Variants in GUCY1B1 observed in about 807,000 individuals in gnomAD.
GUCY1B1 encodes guanylate cyclase soluble subunit beta-1.
Under a neutral mutation model 71.0 loss-of-function variants are expected in GUCY1B1, and 43 were observed. The ratio of observed to expected loss-of-function variants is 0.61; its 90% CI spans 0.47 to 0.78. GUCY1B1 has a LOEUF of 0.78. Ranked by LOEUF, GUCY1B1 falls within the 30% of genes least tolerant of loss-of-function variation. GUCY1B1 has a pLI of 0.00. For synonymous variants in GUCY1B1, 266 were observed against 259.7 expected (o/e 1.02, Z -0.23); for missense variants, 535 against 754.1 (o/e 0.71, Z 3.40).
At chr4:155,805,914 C>T (rs1019752091) in intron 13 of GUCY1B1, among the ~76,000 whole-genome samples, 1 of 152,152 alleles carries the variant, frequency 6.6e-6, no homozygotes, top group Non-Finnish European at 1.5e-5. Context: ...AAGATCATGG[C>T]TAGCCTCTTC....
rs1739204532 is a variant in GUCY1B1 at position 155,791,828 on chromosome 4, T to C, written c.495+1917T>C. On this transcript the variant is annotated intron_variant, in intron 5 of 13. Coordinates refer to ENST00000264424, the MANE Select transcript of GUCY1B1 (RefSeq NM_000857.5). ...TGAGTGAACGTATATGCATATTGTA[T>C]GCACTGTTGGTTTTATTTTTATTTA... Among the ~76,000 whole-genome samples the C allele has an allele frequency of 3.3e-5, 5 of 151,600 alleles. No homozygotes were observed. The South Asian group carries it at 8.3e-4, about 25-fold the overall frequency.
At position 155,795,470 on chromosome 4, in the gene GUCY1B1, T is replaced by C. The variant is rs1357539730; in HGVS notation, c.843+13T>C. 2 of 1,190,050 alleles carry C rather than the reference T, an allele frequency of 1.7e-6. No individual in the cohort carries two copies. The highest frequency in any genetic ancestry group is 4.7e-5 in the East Asian group (2 of 42,522). 73.7% of individuals were successfully genotyped at this position (1,190,050 alleles called of 1,614,324 possible). A position where few individuals can be genotyped will look rare whatever the true frequency, so the allele number is the denominator to read the frequency against. Reference sequence around the variant, plus strand: ...ATTGAGAAGCAAGGTAATCAAGATATTATTTCATTAAATGTGAGAAAGGTA... The same window carrying C: ...ATTGAGAAGCAAGGTAATCAAGATACTATTTCATTAAATGTGAGAAAGGTA... On this transcript the variant is annotated intron_variant, in intron 7 of 13. Transcript: ENST00000264424.
intron 4 of GUCY1B1, among the ~76,000 whole-genome samples, chr4:155,781,407 C>A (rs1223562614): frequency 6.6e-6 from 1 of 152,068 alleles, no homozygotes; most frequent in Admixed American, 6.5e-5. Context: ...CATATCTTTC[C>A]CCTTGAAAGG....
chr4:155,760,317 AAC>A (rs1437295072), intron 2 of GUCY1B1, among the ~76,000 whole-genome samples: 1 of 152,220 alleles, frequency 6.6e-6, no homozygotes, highest in Non-Finnish European at 1.5e-5. Context: ...GGTATGCTGA[AAC>A]ACGCGGGAGA....
chr4:155,795,301 T>G lies in GUCY1B1; in HGVS notation c.727-40T>G, dbSNP rs1015516633. ...TAATATCAAAGTATAAAAACTATTT[T>G]AACTGATGTGATACTCTTTGCTCTC... is the stretch of plus-strand genomic sequence containing the variant. On this transcript the variant is annotated intron_variant, in intron 6 of 13. Transcript: ENST00000264424. The G allele has an allele frequency of 5.1e-6, 5 of 984,030 alleles. No homozygotes were observed. In the African/African-American group the frequency reaches 8.1e-5, roughly 16 times the overall value. The allele number at this position is 984,030 out of a possible 1,614,324, so 61.0% of individuals were successfully genotyped here.
intron 9 of GUCY1B1, among the ~76,000 whole-genome samples, chr4:155,801,287 G>C (rs774913064): frequency 6.6e-6 from 1 of 152,080 alleles, no homozygotes; most frequent in Non-Finnish European, 1.5e-5. Context: ...GCACCATTTC[G>C]AGTTACTGTG....
At chr4:155,800,488 C>T (rs796349105) in intron 9 of GUCY1B1, among the ~76,000 whole-genome samples, 3 of 152,240 alleles carry the variant, frequency 2.0e-5, no homozygotes, top group African/African-American at 7.2e-5. Flanking sequence ...AACCACTGGC[C>T]ATTACATGTT....
intron 2 of GUCY1B1, among the ~76,000 whole-genome samples, chr4:155,771,225 T>C (rs966780020): frequency 6.6e-6 from 1 of 152,260 alleles, no homozygotes; most frequent in Non-Finnish European, 1.5e-5. Context: ...TCCTTCCATG[T>C]ACTACTGTTT....
chr4:155,761,256 A>G (rs561639494), intron 2 of GUCY1B1, among the ~76,000 whole-genome samples: 3 of 152,370 alleles, frequency 2.0e-5, no homozygotes, highest in Admixed American at 6.5e-5. Flanking sequence ...GTAGACAGAT[A>G]TCAACAAGGC....
At chr4:155,777,902 G>A (rs6843197) in intron 4 of GUCY1B1, among the ~76,000 whole-genome samples, 27,497 of 152,076 alleles carry the variant, frequency 0.18, 2,667 homozygotes, top group Middle Eastern at 0.25. Context: ...AGAACTCCAG[G>A]TGGTCTTTTG....
chr4:155,759,440 G>C lies in GUCY1B1; in HGVS notation c.3+297G>C, dbSNP rs1442392751. On this transcript the variant is annotated intron_variant, in intron 1 of 13. Coordinates refer to ENST00000264424, the MANE Select transcript of GUCY1B1 (RefSeq NM_000857.5). ...GCGTGGGGTCTTCCCGGCTCTGGCCGGCCCCACCAGTGTGGGAGGCTGAGC... is the reference window on the plus strand; with the variant it reads ...GCGTGGGGTCTTCCCGGCTCTGGCCCGCCCCACCAGTGTGGGAGGCTGAGC... 1.3e-5 allele frequency: 7 copies of C among 531,792 alleles called. No individual in the cohort carries two copies. In the Admixed American group the frequency reaches 2.2e-4, roughly 17 times the overall value. The allele number at this position is 531,792 out of a possible 1,614,324, so 32.9% of individuals were successfully genotyped here.
chr4:155,759,161 G>C lies in GUCY1B1; in HGVS notation c.3+18G>C. ...ACACCATGGTAAGTGCTCTCAGCCG[G>C]GTGCGGCCCGAACCTCACCCCTCCT... On this transcript the variant is annotated intron_variant, in intron 1 of 13. Coordinates refer to ENST00000264424, the MANE Select transcript of GUCY1B1 (RefSeq NM_000857.5). The C allele has an allele frequency of 2.5e-6, 4 of 1,574,696 alleles. No individual in the cohort carries two copies. The highest frequency in any genetic ancestry group is 2.6e-6 in the Non-Finnish European group (3 of 1,160,976).
At position 155,774,418 on chromosome 4, in the gene GUCY1B1, T is replaced by G. The variant is rs1213098466; in HGVS notation, c.78-550T>G. 6.0e-4 allele frequency among the ~76,000 whole-genome samples: 92 copies of G among 152,226 alleles called. 1 individual carries two copies. Among genetic ancestry groups the G allele is most frequent in the Admixed American group, 6.0e-3 (92 of 15,288 alleles). On this transcript the variant is annotated intron_variant, in intron 2 of 13. Transcript: ENST00000264424. The stretch of plus-strand genomic sequence containing the variant: ...CTTTCTTCAAATGCCAGCTTCTCAG[T>G]GAGGCCTTCCTGGCTGCTGTCCTTG...
At chr4:155,783,602 G>C (rs144605476) in intron 4 of GUCY1B1, among the ~76,000 whole-genome samples, 3 of 152,094 alleles carry the variant, frequency 2.0e-5, no homozygotes, top group Non-Finnish European at 4.4e-5. Flanking sequence ...GCCTGCCATG[G>C]GATTTTCTTC....
chr4:155,805,279 T>A, intron 13 of GUCY1B1, 50 bp downstream of exon 13: 2 of 1,465,994 alleles, frequency 1.4e-6, no homozygotes, highest in South Asian at 1.3e-5. Flanking sequence ...AGTATAAGTA[T>A]GGAAAACTAA....
In GUCY1B1 at chr4:155,804,658, C is replaced by G; in HGVS notation, c.1620C>G (p.Tyr540Ter). ...TGVIGQRMPR[Y>*]CLFGNTVNLT... Reference sequence around the variant, plus strand: ...TCATAGGACAGCGGATGCCTCGATACTGTCTTTTTGGGAATACTGTCAACC... The same window carrying G: ...TCATAGGACAGCGGATGCCTCGATAGTGTCTTTTTGGGAATACTGTCAACC... Residue 540 changes from tyrosine (Y) to a stop codon, truncating the protein, a stop_gained, in exon 12 of 14, where the codon TAC (tyrosine) becomes TAG (stop). Transcript: ENST00000264424. LOFTEE classifies it high-confidence loss of function. 1 of 1,612,544 alleles carries G rather than the reference C, an allele frequency of 6.2e-7. No homozygotes were observed. Among genetic ancestry groups the G allele is most frequent in the Non-Finnish European group, 8.5e-7 (1 of 1,178,712 alleles).
At chr4:155,772,300 A>G (rs896127036) in intron 2 of GUCY1B1, among the ~76,000 whole-genome samples, 3 of 152,222 alleles carry the variant, frequency 2.0e-5, no homozygotes, top group African/African-American at 7.2e-5. Flanking sequence ...GGGAATATGT[A>G]TAGTACTTTA....
Position 155,777,585 on chromosome 4 carries a change from A to C in GUCY1B1, c.240A>C (p.Glu80Asp). 1.2e-6 allele frequency: 2 copies of C among 1,611,220 alleles called. No homozygotes were observed. The highest frequency in any genetic ancestry group is 1.7e-6 in the Non-Finnish European group (2 of 1,177,480). The change falls in exon 4 of 14, where the codon GAA (glutamate) becomes GAC (aspartate). Residue 80 changes from glutamate to aspartate, a missense_variant. Physicochemically the swap from Glu to Asp is conservative, Grantham distance 45. Transcript: ENST00000264424. ...FGKMFFVFCQ[E>D]SGYDTILRVL... Reference sequence around the variant, plus strand: ...AGATGTTTTTCGTCTTTTGCCAAGAATCTGGTTATGATACAATCTTGCGTG... The same window carrying C: ...AGATGTTTTTCGTCTTTTGCCAAGACTCTGGTTATGATACAATCTTGCGTG...
intron 2 of GUCY1B1, among the ~76,000 whole-genome samples, chr4:155,763,900 T>A (rs748446433): frequency 6.6e-6 from 1 of 152,184 alleles, no homozygotes; most frequent in Non-Finnish European, 1.5e-5. Context: ...GATTTTTTTT[T>A]ATTTTACTCT....
Sources: allele counts gnomAD v4.1 joint callset (sites outside exome capture counted in the v4.1 genomes callset), GRCh38; gene constraint gnomAD v4.1.1; transcripts MANE v1.5; gene names NCBI Gene and HGNC (gene_info 2026-07-23, HGNC 2026-07-21).